Variants in SH3RF2 observed in about 807,000 individuals in gnomAD.
SH3RF2 encodes E3 ubiquitin-protein ligase SH3RF2.
A neutral mutation model predicts 59.0 loss-of-function variants in SH3RF2; 43 were observed. That is an observed-to-expected ratio of 0.73 (90% CI 0.57 to 0.94). The LOEUF (loss-of-function observed/expected upper bound fraction) is 0.94. Ranked by LOEUF, SH3RF2 falls within the 40% of genes least tolerant of loss-of-function variation. The pLI is 0.00. For synonymous variants in SH3RF2, 391 were observed against 391.5 expected (o/e 1.00, Z 0.01); for missense variants, 930 against 940.1 (o/e 0.99, Z 0.14).
chr5:145,989,118 A>G (rs191842217), intron 2 of SH3RF2, among the ~76,000 whole-genome samples: 9 of 152,312 alleles, frequency 5.9e-5, no homozygotes, highest in Non-Finnish European at 4.4e-5. Context: ...AAAGTGCCCC[A>G]GATGCAATTA....
chr5:145,944,227 A>G (rs969843458), intron 2 of SH3RF2, among the ~76,000 whole-genome samples: 1 of 152,126 alleles, frequency 6.6e-6, no homozygotes, highest in African/African-American at 2.4e-5. Flanking sequence ...GGGATGCTCA[A>G]CTAGTATGTA....
chr5:145,974,927 C>A (rs1580798361), intron 2 of SH3RF2, among the ~76,000 whole-genome samples: 1 of 152,144 alleles, frequency 6.6e-6, no homozygotes, highest in Non-Finnish European at 1.5e-5. Flanking sequence ...CCAAGAACCA[C>A]CCAATTAAAA....
chr5:146,055,532 A>G (rs1249635636), intron 7 of SH3RF2, among the ~76,000 whole-genome samples: 3 of 152,246 alleles, frequency 2.0e-5, no homozygotes, highest in Non-Finnish European at 2.9e-5. Context: ...CAGAACACAG[A>G]TATATAAGTC....
chr5:146,053,169 C>G (rs1762556840), intron 7 of SH3RF2, among the ~76,000 whole-genome samples: 1 of 152,192 alleles, frequency 6.6e-6, no homozygotes, highest in African/African-American at 2.4e-5. Flanking sequence ...AGCCTTTCAG[C>G]TACCAGGAGA....
chr5:145,995,051 T>A (rs574395500), intron 2 of SH3RF2, among the ~76,000 whole-genome samples: 20 of 152,006 alleles, frequency 1.3e-4, no homozygotes, highest in Admixed American at 3.9e-4. Flanking sequence ...GGAAGTTTAT[T>A]TAGCTCTCCA....
intron 5 of SH3RF2, among the ~76,000 whole-genome samples, chr5:146,017,146 A>C (rs1761134290): frequency 6.6e-6 from 1 of 152,176 alleles, no homozygotes; most frequent in Non-Finnish European, 1.5e-5. Context: ...TCAGGAAATG[A>C]CCTCACAGAT....
chr5:145,937,373 T>A (rs1226791851), intron 1 of SH3RF2, among the ~76,000 whole-genome samples: 1 of 152,190 alleles, frequency 6.6e-6, no homozygotes, highest in Non-Finnish European at 1.5e-5. Flanking sequence ...TAAACTAATC[T>A]GCATGTGGTG....
intron 2 of SH3RF2, among the ~76,000 whole-genome samples, chr5:145,942,814 A>G (rs78268843): frequency 0.032 from 4,877 of 152,194 alleles, 263 homozygotes; most frequent in African/African-American, 0.11. Context: ...ACTGCCTTCA[A>G]TCTCTCTCAG....
chr5:146,008,966 T>C, intron 4 of SH3RF2, among the ~76,000 whole-genome samples: 1 of 152,230 alleles, frequency 6.6e-6, no homozygotes, highest in East Asian at 1.9e-4. Flanking sequence ...CAGTAGTTCA[T>C]TCCTTTTTGA....
At chr5:146,018,913 G>C (rs1285804870) in intron 5 of SH3RF2, among the ~76,000 whole-genome samples, 1 of 151,864 alleles carries the variant, frequency 6.6e-6, no homozygotes, top group African/African-American at 2.4e-5. Flanking sequence ...ATGTTTGTTG[G>C]CTGCTTATAT....
At chr5:145,956,207 G>A (rs527432085) in intron 2 of SH3RF2, among the ~76,000 whole-genome samples, 74 of 152,300 alleles carry the variant, frequency 4.9e-4, no homozygotes, top group African/African-American at 1.6e-3. Context: ...AAAGCTGGAA[G>A]AATAGTCACT....
intron 5 of SH3RF2, among the ~76,000 whole-genome samples, chr5:146,031,254 T>G (rs1761732937): frequency 6.6e-6 from 1 of 152,156 alleles, no homozygotes; most frequent in Non-Finnish European, 1.5e-5. Flanking sequence ...TGCCCTCAAC[T>G]CCTTAAAGAC....
intron 2 of SH3RF2, among the ~76,000 whole-genome samples, chr5:145,965,591 T>A (rs1364196646): frequency 1.3e-5 from 2 of 152,172 alleles, no homozygotes; most frequent in Non-Finnish European, 2.9e-5. Context: ...TTAGAGTAGG[T>A]ATTATGAGGT....
chr5:145,991,125 C>A (rs1486377963), intron 2 of SH3RF2, among the ~76,000 whole-genome samples: 1 of 152,134 alleles, frequency 6.6e-6, no homozygotes, highest in Non-Finnish European at 1.5e-5. Context: ...GAAAAACATG[C>A]TAGGTGACTT....
At chr5:145,956,104 G>A (rs867320849) in intron 2 of SH3RF2, among the ~76,000 whole-genome samples, 20 of 152,200 alleles carry the variant, frequency 1.3e-4, no homozygotes, top group Middle Eastern at 6.8e-3. Context: ...CAGCAGATCT[G>A]GGAGTCTGAA....
At chr5:145,993,848 T>G (rs951577730) in intron 2 of SH3RF2, among the ~76,000 whole-genome samples, 1 of 152,226 alleles carries the variant, frequency 6.6e-6, no homozygotes, top group Non-Finnish European at 1.5e-5. Context: ...GGATTAACAC[T>G]CAGCTTATTA....
intron 4 of SH3RF2, among the ~76,000 whole-genome samples, chr5:146,011,175 A>G (rs946513173): frequency 5.9e-5 from 9 of 152,154 alleles, no homozygotes; most frequent in Non-Finnish European, 1.3e-4. Flanking sequence ...CGTTTGTCAA[A>G]GATCAGATGG....
chr5:146,008,402 T>G (rs766346842), intron 4 of SH3RF2, among the ~76,000 whole-genome samples: 4 of 152,192 alleles, frequency 2.6e-5, no homozygotes, highest in Non-Finnish European at 5.9e-5. Flanking sequence ...ACTTATTTCA[T>G]TATAGCCAAG....
At chr5:146,060,468 C>T (rs937161125) in intron 9 of SH3RF2, among the ~76,000 whole-genome samples, 1 of 152,008 alleles carries the variant, frequency 6.6e-6, no homozygotes, top group African/African-American at 2.4e-5. Flanking sequence ...TTTTATACAT[C>T]TTTTGAGGCC....
Sources: gnomAD v4.1 joint callset for allele counts (sites outside exome capture counted in the v4.1 genomes callset) on GRCh38, gnomAD v4.1.1 for gene constraint, MANE v1.5 for transcripts, NCBI Gene and HGNC (gene_info 2026-07-23, HGNC 2026-07-21) for gene names.